CPXM2: variants seen among roughly 807,000 people sequenced by gnomAD.
CPXM2 encodes inactive carboxypeptidase-like protein X2.
Under a neutral mutation model 86.1 loss-of-function variants are expected in CPXM2, and 66 were observed. That is an observed-to-expected ratio of 0.77 (90% CI 0.63 to 0.94). The LOEUF (loss-of-function observed/expected upper bound fraction) is 0.94. CPXM2 is among the 40% of genes least tolerant of loss of function. CPXM2 has a pLI of 0.00. For synonymous variants in CPXM2, 388 were observed against 400.2 expected (o/e 0.97, Z 0.36); for missense variants, 948 against 1,026.3 (o/e 0.92, Z 1.04).
At chr10:123,834,220 C>T (rs980725665) in intron 4 of CPXM2, among the ~76,000 whole-genome samples, 8 of 152,192 alleles carry the variant, frequency 5.3e-5, no homozygotes, top group Non-Finnish European at 1.0e-4. Context: ...AGCAGGTTTC[C>T]TCCCAGTGCT....
chr10:123,913,613 CA>C (rs1474372173), intron 2 of CPXM2: 2 of 167,566 alleles, frequency 1.2e-5, no homozygotes, highest in Non-Finnish European at 2.6e-5. Context: ...ATGAGGAAAT[CA>C]GGGCAAGTGA....
intron 7 of CPXM2, among the ~76,000 whole-genome samples, chr10:123,771,296 C>T (rs532589400): frequency 6.6e-6 from 1 of 152,178 alleles, no homozygotes; most frequent in Non-Finnish European, 1.5e-5. Context: ...ATTGCCCCCA[C>T]CCGGTCCTGT....
chr10:123,765,738 A>G (rs1297869888), intron 10 of CPXM2, among the ~76,000 whole-genome samples: 2 of 152,094 alleles, frequency 1.3e-5, no homozygotes, highest in Non-Finnish European at 2.9e-5. Context: ...TCATCACCCT[A>G]CTGCTCACTT....
chr10:123,770,980 T>G lies in CPXM2; in HGVS notation c.1038A>C (p.Lys346Asn). Residue 346 changes from lysine to asparagine, a missense_variant, in exon 8 of 14, where the codon AAA (lysine) becomes AAC (asparagine). By Grantham distance (94) the Lys-to-Asn change is moderately conservative (BLOSUM62 0). Coordinates refer to ENST00000241305, the MANE Select transcript of CPXM2 (RefSeq NM_198148.3). ...CATACAGCTTCAGGCCCTGGTGGCTTTTTCCAATGTTGTAAATTCTGGTGA... is the reference window on the plus strand; with the variant it reads ...CATACAGCTTCAGGCCCTGGTGGCTGTTTCCAATGTTGTAAATTCTGGTGA... ...PNITRIYNIG[K>N]SHQGLKLYAV... 6.2e-7 allele frequency: 1 copy of G among 1,613,988 alleles called. No homozygotes were observed. Among genetic ancestry groups the G allele is most frequent in the Admixed American group, 1.7e-5 (1 of 60,024 alleles).
intron 2 of CPXM2, among the ~76,000 whole-genome samples, chr10:123,907,692 CTCCCA>C (rs1945455159): frequency 1.2e-5 from 1 of 81,580 alleles, no homozygotes; most frequent in Non-Finnish European, 3.0e-5. Flanking sequence ...GATGCCCCCC[CTCCCA>C]CAAGTTCATT....
chr10:123,916,213 G>A (rs1351798107), intron 2 of CPXM2, among the ~76,000 whole-genome samples: 2 of 152,208 alleles, frequency 1.3e-5, no homozygotes, highest in African/African-American at 4.8e-5. Flanking sequence ...TTGCATCCCA[G>A]GGGATTAGGG....
chr10:123,798,354 A>G (rs1047344216), intron 5 of CPXM2, among the ~76,000 whole-genome samples: 1 of 152,058 alleles, frequency 6.6e-6, no homozygotes, highest in African/African-American at 2.4e-5. Flanking sequence ...TATATACTGT[A>G]GAAAAAATCT....
At chr10:123,936,606 G>C (rs1945722967) in intron 2 of CPXM2, among the ~76,000 whole-genome samples, 1 of 152,188 alleles carries the variant, frequency 6.6e-6, no homozygotes, top group South Asian at 2.1e-4. Context: ...CCTTGCAAAG[G>C]AATGAAGGTC....
At chr10:123,759,566 C>A (rs1238546678) in intron 11 of CPXM2, among the ~76,000 whole-genome samples, 1 of 152,182 alleles carries the variant, frequency 6.6e-6, no homozygotes, top group Non-Finnish European at 1.5e-5. Context: ...AAGCAAAATG[C>A]GACTTCCTGT....
intron 3 of CPXM2, among the ~76,000 whole-genome samples, chr10:123,853,498 C>G (rs895096566): frequency 1.3e-5 from 2 of 152,232 alleles, no homozygotes; most frequent in African/African-American, 4.8e-5. Context: ...CAGGGCTCTT[C>G]TGTTTTTGCT....
intron 2 of CPXM2, among the ~76,000 whole-genome samples, chr10:123,910,428 C>G (rs566040242): frequency 1.3e-5 from 2 of 152,148 alleles, no homozygotes; most frequent in African/African-American, 4.8e-5. Flanking sequence ...ATCACTCCCC[C>G]ACTGCAGAGA....
At chr10:123,815,484 A>G (rs1847795084) in intron 4 of CPXM2, among the ~76,000 whole-genome samples, 1 of 152,214 alleles carries the variant, frequency 6.6e-6, no homozygotes, top group Non-Finnish European at 1.5e-5. Flanking sequence ...GAAGCTGGGG[A>G]CACTGAGTTT....
At chr10:123,868,105 T>C (rs1292145131) in intron 2 of CPXM2, among the ~76,000 whole-genome samples, 3 of 152,078 alleles carry the variant, frequency 2.0e-5, no homozygotes, top group Non-Finnish European at 4.4e-5. Context: ...TCAGAGGCCT[T>C]GAAAAGTGGA....
intron 4 of CPXM2, among the ~76,000 whole-genome samples, chr10:123,831,469 T>C (rs755676056): frequency 2.6e-5 from 4 of 152,232 alleles, no homozygotes; most frequent in African/African-American, 4.8e-5. Flanking sequence ...GACTTTCATG[T>C]GCCCTCGGCA....
intron 3 of CPXM2, among the ~76,000 whole-genome samples, chr10:123,854,977 CT>C (rs1265387675): frequency 2.0e-5 from 3 of 151,772 alleles, no homozygotes; most frequent in Non-Finnish European, 4.4e-5. Context: ...GTTTTGGACC[CT>C]TTTTACTTTG....
chr10:123,882,988 C>T (rs1161830473), intron 1 of CPXM2, among the ~76,000 whole-genome samples: 1 of 151,992 alleles, frequency 6.6e-6, no homozygotes, highest in Non-Finnish European at 1.5e-5. Flanking sequence ...GCAGCCCCCA[C>T]ACGACAGCCT....
intron 2 of CPXM2, among the ~76,000 whole-genome samples, chr10:123,905,752 G>A (rs1164775702): frequency 6.6e-6 from 1 of 151,998 alleles, no homozygotes; most frequent in Non-Finnish European, 1.5e-5. Context: ...CAGCCCTCTT[G>A]CCTGTAGTTT....
intron 6 of CPXM2, among the ~76,000 whole-genome samples, chr10:123,785,145 T>G (rs1395743673): frequency 6.6e-6 from 1 of 152,230 alleles, no homozygotes; most frequent in Non-Finnish European, 1.5e-5. Context: ...TCTCTGCTTT[T>G]GTTGCTTCAT....
intron 3 of CPXM2, among the ~76,000 whole-genome samples, chr10:123,862,202 GGT>G (rs1395155072): frequency 6.6e-6 from 1 of 152,190 alleles, no homozygotes; most frequent in Non-Finnish European, 1.5e-5. Context: ...AAGCCTGGAA[GGT>G]GTGTGTGTGG....
Sources: gnomAD v4.1 joint callset for allele counts (sites outside exome capture counted in the v4.1 genomes callset) on GRCh38, gnomAD v4.1.1 for gene constraint, MANE v1.5 for transcripts, NCBI Gene and HGNC (gene_info 2026-07-23, HGNC 2026-07-21) for gene names.